Variants in PIK3R1 observed in about 807,000 individuals in gnomAD.
The protein encoded by PIK3R1 is phosphatidylinositol 3-kinase regulatory subunit alpha.
In PIK3R1, 29 loss-of-function variants were observed where a neutral mutation model predicts 98.0. The observed-to-expected ratio is 0.30, with a 90% CI of 0.22 to 0.40. PIK3R1 has a LOEUF of 0.40. Ranked by LOEUF, PIK3R1 falls within the 10% of genes least tolerant of loss-of-function variation. The pLI is 1.00. For synonymous variants in PIK3R1, 282 were observed against 311.8 expected (o/e 0.90, Z 1.01); for missense variants, 596 against 872.7 (o/e 0.68, Z 3.99).
At chr5:68,268,830 G>A (rs927919882) in intron 2 of PIK3R1, among the ~76,000 whole-genome samples, 17 of 152,108 alleles carry the variant, frequency 1.1e-4, no homozygotes, top group African/African-American at 4.1e-4. Context: ...ACTTCATAAC[G>A]GTGTTGGCAT....
intron 2 of PIK3R1, among the ~76,000 whole-genome samples, chr5:68,243,579 A>G (rs1220943098): frequency 6.6e-6 from 1 of 152,102 alleles, no homozygotes; most frequent in East Asian, 1.9e-4. Context: ...CAGAATGGTC[A>G]CTGGAGAAAA....
intron 7 of PIK3R1, among the ~76,000 whole-genome samples, chr5:68,285,277 AC>A (rs1747031208): frequency 6.6e-6 from 1 of 152,218 alleles, no homozygotes; most frequent in African/African-American, 2.4e-5. Flanking sequence ...ATTTTTAACC[AC>A]TGGCACATTG....
At chr5:68,263,156 CATATATCTACAT>C (rs1176329090) in intron 2 of PIK3R1, among the ~76,000 whole-genome samples, 2 of 143,416 alleles carry the variant, frequency 1.4e-5, no homozygotes, top group East Asian at 2.0e-4. Flanking sequence ...TATATATGTA[CATATATCTACAT>C]ATATATCTAT....
intron 12 of PIK3R1, 117 bp from the exon 13 acceptor site, chr5:68,295,031 G>T: frequency 1.7e-6 from 1 of 582,398 alleles, no homozygotes; most frequent in Non-Finnish European, 2.7e-6. Flanking sequence ...GACAGGAAGA[G>T]AAGCCACGCT....
intron 2 of PIK3R1, among the ~76,000 whole-genome samples, chr5:68,247,119 T>C (rs1412733053): frequency 6.6e-6 from 1 of 152,182 alleles, no homozygotes; most frequent in Non-Finnish European, 1.5e-5. Flanking sequence ...GGCTTGGAAA[T>C]ATGTGATTTG....
At chr5:68,241,758 C>G (rs1436275056) in intron 2 of PIK3R1, among the ~76,000 whole-genome samples, 2 of 152,240 alleles carry the variant, frequency 1.3e-5, no homozygotes, top group African/African-American at 4.8e-5. Flanking sequence ...GTACCACCCT[C>G]AAGACGAGTT....
chr5:68,256,483 G>C (rs1426386679), intron 2 of PIK3R1, among the ~76,000 whole-genome samples: 1 of 152,172 alleles, frequency 6.6e-6, no homozygotes, highest in Non-Finnish European at 1.5e-5. Flanking sequence ...GCCCGCCTCG[G>C]CCTCCCAAAG....
At chr5:68,284,905 G>T (rs1294915664) in intron 7 of PIK3R1, among the ~76,000 whole-genome samples, 2 of 152,176 alleles carry the variant, frequency 1.3e-5, no homozygotes, top group Non-Finnish European at 2.9e-5. Context: ...AAAAGGTAGG[G>T]CACAGAGTAA....
rs139127483 is a variant in PIK3R1, at chr5:68,297,157, A to C, written c.1986-255A>C. ...TCTAGCATTTTGCATGCATGATCTC[A>C]TTTCATTTCTCAAAGTAACTGTATT... On this transcript the variant is annotated intron_variant, in intron 15 of 15. Transcript: ENST00000521381. 3.0e-3 allele frequency among the ~76,000 whole-genome samples: 457 copies of C among 152,278 alleles called. 2 individuals carry two copies. The highest frequency in any genetic ancestry group is 0.011 in the African/African-American group (438 of 41,556).
intron 1 of PIK3R1, among the ~76,000 whole-genome samples, chr5:68,222,843 T>C (rs539596325): frequency 6.6e-5 from 10 of 152,146 alleles, no homozygotes; most frequent in Non-Finnish European, 1.2e-4. Context: ...AGGCAGTAGA[T>C]GCTGGAGGTG....
chr5:68,297,452 G>A lies in PIK3R1; in HGVS notation c.2026G>A (p.Ala676Thr), dbSNP rs1747786981. 5 of 1,614,118 alleles carry A rather than the reference G, an allele frequency of 3.1e-6. No homozygotes were observed. Among genetic ancestry groups the A allele is most frequent in the Non-Finnish European group, 4.2e-6 (5 of 1,179,972 alleles). The change falls in exon 16 of 16, where the codon GCA becomes ACA. Residue 676 changes from alanine to threonine, a missense_variant. Ala to Thr is a moderately conservative substitution (Grantham distance 58). Transcript: ENST00000521381. ...AAAGCATTGTGTCATAAACAAAACA[G>A]CAACTGGCTATGGCTTTGCCGAGCC... is the stretch of plus-strand genomic sequence containing the variant. Reference protein sequence around the residue: ...EVKHCVINKTATGYGFAEPYN... With the variant: ...EVKHCVINKTTTGYGFAEPYN...
intron 4 of PIK3R1, among the ~76,000 whole-genome samples, chr5:68,278,927 A>G (rs1271003973): frequency 1.3e-5 from 2 of 152,144 alleles, no homozygotes; most frequent in Non-Finnish European, 2.9e-5. Flanking sequence ...TTGGCTACAG[A>G]GTGAGACTCC....
chr5:68,298,742 A>T lies in PIK3R1; in HGVS notation c.*1141A>T. 1 of 233,462 alleles carries T rather than the reference A, an allele frequency of 4.3e-6. No individual in the cohort carries two copies. Among genetic ancestry groups the T allele is most frequent in the Non-Finnish European group, 8.5e-6 (1 of 117,928 alleles). The allele number at this position is 233,462 out of a possible 1,614,324, so 14.5% of individuals were successfully genotyped here. ...AAAGCTGCTTTATTCAATAAAAAAA[A>T]GAAATGAAAAAGATATATGAATATG... On this transcript the variant is annotated 3_prime_UTR_variant, in exon 16 of 16. Coordinates refer to ENST00000521381, the MANE Select transcript of PIK3R1 (RefSeq NM_181523.3).
In PIK3R1 at chr5:68,249,745, T is replaced by C. The variant is rs1057022330; in HGVS notation, c.334+22736T>C. On this transcript the variant is annotated intron_variant, in intron 2 of 15. Transcript: ENST00000521381. ...CAATTACCAGGTATTTCAAGTACTC[T>C]TTGAAAGGGGCCTGCTTGTGGTGGG... is the stretch of plus-strand genomic sequence containing the variant. Among the ~76,000 whole-genome samples the C allele has an allele frequency of 3.9e-4, 60 of 152,168 alleles. 1 individual carries two copies.
intron 2 of PIK3R1, among the ~76,000 whole-genome samples, chr5:68,265,266 GTATT>G (rs1414433892): frequency 6.6e-6 from 1 of 152,126 alleles, no homozygotes; most frequent in Non-Finnish European, 1.5e-5. Context: ...CACGCAGAGG[GTATT>G]TATTTACTAA....
At chr5:68,288,826 C>T (rs796300528) in intron 7 of PIK3R1, 10 of 1,432,862 alleles carry the variant, frequency 7.0e-6, no homozygotes, top group Non-Finnish European at 7.9e-6. Context: ...TCTTGGAGTA[C>T]GTGTGTGTGC....
In PIK3R1 at chr5:68,262,964, TATACATATATACATGTAG is replaced by T. The variant is rs1443509798; in HGVS notation, c.335-10419_335-10402del. Among the ~76,000 whole-genome samples the T allele has an allele frequency of 1.2e-3, 72 of 58,986 alleles. 11 individuals carry two copies. The highest frequency in any genetic ancestry group is 2.0e-3 in the Admixed American group (13 of 6,416). 38.7% of individuals were successfully genotyped at this position (58,986 alleles called of 152,430 possible). On this transcript the variant is annotated intron_variant, in intron 2 of 15. Transcript: ENST00000521381. ...ACATGTAGATACATGTAGATACATGTATACATATATACATGTAGATACATGTAGATACATGTATACATA... is the reference window on the plus strand; with the variant it reads ...ACATGTAGATACATGTAGATACATGTATACATGTAGATACATGTATACATA...
rs1465823935 is a variant in PIK3R1, at chr5:68,300,121, T to C, written c.*2520T>C. On this transcript the variant is annotated 3_prime_UTR_variant, in exon 16 of 16. Transcript: ENST00000521381. ...CTACAGTTTTGTGAATCTTTGTGCT[T>C]CAACATTCTTTGCAAGATGATACGG... 4.3e-6 allele frequency: 1 copy of C among 233,144 alleles called. No homozygotes were observed. Among genetic ancestry groups the C allele is most frequent in the Non-Finnish European group, 8.5e-6 (1 of 118,028 alleles). 14.4% of individuals were successfully genotyped at this position (233,144 alleles called of 1,614,324 possible). A position where few individuals can be genotyped will look rare whatever the true frequency, so the allele number is the denominator to read the frequency against.
intron 2 of PIK3R1, among the ~76,000 whole-genome samples, chr5:68,231,566 A>G (rs1744479652): frequency 6.6e-6 from 1 of 152,230 alleles, no homozygotes; most frequent in African/African-American, 2.4e-5. Flanking sequence ...GCAGGGCTGC[A>G]ATAAATCACA....
Sources: gnomAD v4.1 joint callset for allele counts (sites outside exome capture counted in the v4.1 genomes callset) on GRCh38, gnomAD v4.1.1 for gene constraint, MANE v1.5 for transcripts, NCBI Gene and HGNC (gene_info 2026-07-23, HGNC 2026-07-21) for gene names.